Variants in PTPRT observed in about 807,000 individuals in gnomAD.
The protein encoded by PTPRT is receptor-type tyrosine-protein phosphatase T.
Under a neutral mutation model 176.8 loss-of-function variants are expected in PTPRT, and 56 were observed. The observed-to-expected ratio is 0.32, with a 90% CI of 0.26 to 0.40. The LOEUF (loss-of-function observed/expected upper bound fraction) is 0.40, where lower values mean the gene tolerates loss of function less well. PTPRT is among the 10% of genes least tolerant of loss of function. PTPRT has a pLI of 1.00. For missense variants in PTPRT, 1,540 were observed against 1,908.2 expected, an observed-to-expected ratio of 0.81 and a Z score of 3.60; for synonymous variants, 783 against 739.0, an observed-to-expected ratio of 1.06 and a Z score of -0.96.
chr20:42,410,478 T>G (rs1480390196), intron 9 of PTPRT, among the ~76,000 whole-genome samples: 1 of 152,030 alleles, frequency 6.6e-6, no homozygotes, highest in African/African-American at 2.4e-5. Flanking sequence ...AATCCACAAC[T>G]ATATTTGAAA....
In PTPRT at chr20:42,850,456, G is replaced by A. The variant is rs191227571; in HGVS notation, c.214+35351C>T. On this transcript the variant is annotated intron_variant, in intron 2 of 30. Transcript: ENST00000373187. ...CATTTGTTAACATGAGATGGACTGT[G>A]GCTCATTATGGCAAGGGCTGGATAT... is the stretch of plus-strand genomic sequence containing the variant. Among the ~76,000 whole-genome samples the A allele has an allele frequency of 5.3e-4, 80 of 152,328 alleles. 1 individual carries two copies. The highest frequency in any genetic ancestry group is 1.7e-3 in the African/African-American group (71 of 41,566).
intron 1 of PTPRT, among the ~76,000 whole-genome samples, chr20:43,107,701 C>G (rs2012676577): frequency 6.6e-6 from 1 of 152,148 alleles, no homozygotes; most frequent in Non-Finnish European, 1.5e-5. Context: ...GTAATCTAAA[C>G]ACAAGAAGAG....
intron 2 of PTPRT, among the ~76,000 whole-genome samples, chr20:42,865,557 T>C (rs1451154016): frequency 6.6e-6 from 1 of 152,096 alleles, no homozygotes; most frequent in Non-Finnish European, 1.5e-5. Flanking sequence ...GGAAGATGGG[T>C]GTTAAATGCA....
At chr20:42,316,548 C>T (rs925015021) in intron 11 of PTPRT, among the ~76,000 whole-genome samples, 1 of 152,210 alleles carries the variant, frequency 6.6e-6, no homozygotes, top group Non-Finnish European at 1.5e-5. Context: ...CATATGGCTT[C>T]CTAATCATAT....
At chr20:42,746,890 G>C (rs971337800) in intron 6 of PTPRT, among the ~76,000 whole-genome samples, 1 of 152,126 alleles carries the variant, frequency 6.6e-6, no homozygotes, top group African/African-American at 2.4e-5. Context: ...GGGCTCTTGG[G>C]GGAATGGGTA....
At chr20:42,462,230 A>C (rs1172307496) in intron 8 of PTPRT, among the ~76,000 whole-genome samples, 1 of 152,180 alleles carries the variant, frequency 6.6e-6, no homozygotes, top group African/African-American at 2.4e-5. Context: ...ATGTGCTGTT[A>C]GTCTGAAGAT....
At position 42,896,130 on chromosome 20, in the gene PTPRT, GAGT is replaced by G. The variant is rs760046449; in HGVS notation, c.89-10201_89-10199del. ...CAAGCTTGTGTTCTTCATTGGTAAG[GAGT>G]AGTACTTCCACTTTATAGATAAGGA... is the stretch of plus-strand genomic sequence containing the variant. On this transcript the variant is annotated intron_variant, in intron 1 of 30. Coordinates refer to ENST00000373187, the MANE Select transcript of PTPRT (RefSeq NM_007050.6). Among the ~76,000 whole-genome samples, 16 of 152,138 alleles carry G rather than the reference GAGT, an allele frequency of 1.1e-4. No homozygotes were observed. In the East Asian group the frequency reaches 3.1e-3, roughly 29 times the overall value.
rs1390290453 is a variant in PTPRT, at chr20:42,811,476, T to C, written c.215-20010A>G. Among the ~76,000 whole-genome samples, 4 of 152,222 alleles carry C rather than the reference T, an allele frequency of 2.6e-5. No homozygotes were observed. The East Asian group carries it at 7.7e-4, about 29-fold the overall frequency. The stretch of plus-strand genomic sequence containing the variant: ...ATTGAAAGAAAACTAGCCTTTCAAA[T>C]ACTTCTTTACCAAGAGATACTTACC... On this transcript the variant is annotated intron_variant, in intron 2 of 30. Transcript: ENST00000373187.
chr20:43,158,872 A>G (rs2014604215), intron 1 of PTPRT, among the ~76,000 whole-genome samples: 1 of 152,226 alleles, frequency 6.6e-6, no homozygotes, highest in South Asian at 2.1e-4. Flanking sequence ...GCTCTCTCAC[A>G]TGGTTTATAT....
chr20:42,678,225 A>G, intron 6 of PTPRT, 66 bp from the exon 7 acceptor site: 2 of 1,475,900 alleles, frequency 1.4e-6, no homozygotes, highest in Non-Finnish European at 1.8e-6. Flanking sequence ...CTACAAGCAC[A>G]TGACGACAAG....
At chr20:42,215,332 C>T (rs868293292) in intron 15 of PTPRT, among the ~76,000 whole-genome samples, 2 of 152,068 alleles carry the variant, frequency 1.3e-5, no homozygotes, top group Admixed American at 6.5e-5. Context: ...TCAATTTCCT[C>T]GTCTATAGAA....
chr20:43,153,792 G>T (rs1452672335), intron 1 of PTPRT, among the ~76,000 whole-genome samples: 1 of 152,216 alleles, frequency 6.6e-6, no homozygotes, highest in African/African-American at 2.4e-5. Flanking sequence ...CAGTGGGATT[G>T]AATTTCCACA....
At chr20:42,414,724 A>G (rs2059049265) in intron 9 of PTPRT, among the ~76,000 whole-genome samples, 1 of 152,250 alleles carries the variant, frequency 6.6e-6, no homozygotes. Context: ...ACCTATGTGA[A>G]TAAAGCTATG....
intron 13 of PTPRT, among the ~76,000 whole-genome samples, chr20:42,268,072 G>T (rs1296891548): frequency 6.6e-6 from 1 of 152,118 alleles, no homozygotes; most frequent in East Asian, 1.9e-4. Flanking sequence ...TCTCTGAGTT[G>T]GTGCTGATAT....
intron 1 of PTPRT, among the ~76,000 whole-genome samples, chr20:43,058,812 C>G (rs188300896): frequency 6.6e-6 from 1 of 150,958 alleles, no homozygotes; most frequent in African/African-American, 2.5e-5. Flanking sequence ...ACTAAGAAAA[C>G]CTTATTTTTT....
intron 15 of PTPRT, among the ~76,000 whole-genome samples, chr20:42,226,648 G>A (rs1403903422): frequency 6.6e-6 from 1 of 152,188 alleles, no homozygotes; most frequent in Non-Finnish European, 1.5e-5. Context: ...CTAGCTGTAA[G>A]AGTCCTTCCC....
intron 9 of PTPRT, among the ~76,000 whole-genome samples, chr20:42,414,087 T>C (rs1367520051): frequency 2.0e-5 from 3 of 152,098 alleles, no homozygotes; most frequent in Non-Finnish European, 4.4e-5. Context: ...CCGCCTCCGC[T>C]TCCCAAAGTG....
At chr20:42,485,658 G>C (rs2071453457) in intron 7 of PTPRT, among the ~76,000 whole-genome samples, 1 of 151,930 alleles carries the variant, frequency 6.6e-6, no homozygotes, top group Non-Finnish European at 1.5e-5. Context: ...TCAAAGCTGA[G>C]GCTGCTCATA....
chr20:42,810,688 A>G (rs1171053052), intron 2 of PTPRT, among the ~76,000 whole-genome samples: 1 of 152,234 alleles, frequency 6.6e-6, no homozygotes, highest in Non-Finnish European at 1.5e-5. Context: ...TAGGATTCCT[A>G]CAATACTGTG....
Sources: allele counts gnomAD v4.1 joint callset (sites outside exome capture counted in the v4.1 genomes callset), GRCh38; gene constraint gnomAD v4.1.1; transcripts MANE v1.5; gene names NCBI Gene and HGNC (gene_info 2026-07-23, HGNC 2026-07-21).